CSTPP1: variants seen among roughly 807,000 people sequenced by gnomAD.
CSTPP1 encodes the protein UPF0705 protein C11orf49.
chr11:47,003,745 A>G, the CSTPP1 span, among the ~76,000 whole-genome samples: 1 of 152,216 alleles, frequency 6.6e-6, no homozygotes, highest in Non-Finnish European at 1.5e-5. Context: ...CTGGGGCTGC[A>G]ACAATAGATA....
chr11:47,039,888 A>T, the CSTPP1 span, among the ~76,000 whole-genome samples: 1 of 128,518 alleles, frequency 7.8e-6, no homozygotes, highest in African/African-American at 2.5e-5. Context: ...TGGCCTTGCA[A>T]CCTTGTGCTC....
chr11:47,054,082 G>GGCAGATCACAAGGTCA, the CSTPP1 span, among the ~76,000 whole-genome samples: 1 of 151,160 alleles, frequency 6.6e-6, no homozygotes, highest in Admixed American at 6.6e-5. Context: ...GGCCGAGGCG[G>GGCAGATCACAAGGTCA]GCAGATCACA....
chr11:47,156,445 C>T, the CSTPP1 span, among the ~76,000 whole-genome samples: 1 of 152,170 alleles, frequency 6.6e-6, no homozygotes, highest in Non-Finnish European at 1.5e-5. Context: ...ATTTGAAAAC[C>T]ATTTCAAATG....
chr11:47,154,034 G>A, the CSTPP1 span, among the ~76,000 whole-genome samples: 2 of 152,044 alleles, frequency 1.3e-5, no homozygotes, highest in African/African-American at 2.4e-5. Flanking sequence ...CCGCCTCCCA[G>A]GTTCAAGCGC....
At chr11:46,936,880 G>A in the CSTPP1 span, 1 of 1,458,682 alleles carries the variant, frequency 6.9e-7, no homozygotes, top group Admixed American at 2.1e-5. Context: ...TTTGGGGAGG[G>A]AAAGACGTGC....
chr11:47,010,387 C>T, the CSTPP1 span, among the ~76,000 whole-genome samples: 105 of 152,346 alleles, frequency 6.9e-4, 1 homozygote, highest in African/African-American at 2.4e-3. Context: ...CGGAATCTGT[C>T]TCTGGCTATC....
chr11:46,957,023 T>C, the CSTPP1 span, among the ~76,000 whole-genome samples: 1 of 152,020 alleles, frequency 6.6e-6, no homozygotes, highest in Non-Finnish European at 1.5e-5. Context: ...TTCATTTTCC[T>C]GCAATTAATA....
the CSTPP1 span, among the ~76,000 whole-genome samples, chr11:46,947,824 A>C: frequency 6.6e-6 from 1 of 152,208 alleles, no homozygotes; most frequent in Non-Finnish European, 1.5e-5. Flanking sequence ...ACTTCAGATC[A>C]GGTGTTTTTT....
chr11:46,938,735 C>G, the CSTPP1 span, among the ~76,000 whole-genome samples: 1 of 150,598 alleles, frequency 6.6e-6, no homozygotes, highest in Non-Finnish European at 1.5e-5. Context: ...GAATAATATT[C>G]CATTGTATGG....
the CSTPP1 span, among the ~76,000 whole-genome samples, chr11:47,115,546 G>A: frequency 1.3e-5 from 2 of 152,120 alleles, no homozygotes; most frequent in Non-Finnish European, 2.9e-5. Context: ...TTGGGAGAGT[G>A]TATATGTCCA....
chr11:46,966,779 A>G, the CSTPP1 span, among the ~76,000 whole-genome samples: 4 of 152,236 alleles, frequency 2.6e-5, no homozygotes, highest in Admixed American at 6.5e-5. Flanking sequence ...AGATTTAATG[A>G]AATTAATATT....
At chr11:47,047,916 A>G in the CSTPP1 span, among the ~76,000 whole-genome samples, 2 of 152,264 alleles carry the variant, frequency 1.3e-5, no homozygotes, top group Non-Finnish European at 2.9e-5. Context: ...GCTCAACATC[A>G]TTAGTCATTG....
At chr11:47,049,385 C>G in the CSTPP1 span, among the ~76,000 whole-genome samples, 2 of 151,828 alleles carry the variant, frequency 1.3e-5, no homozygotes, top group Admixed American at 1.3e-4. Context: ...GCCAGTAATC[C>G]CAACACTTTG....
the CSTPP1 span, among the ~76,000 whole-genome samples, chr11:47,039,236 TC>T: frequency 2.3e-5 from 3 of 127,886 alleles, no homozygotes; most frequent in East Asian, 6.4e-4. Context: ...TGAATGAGAC[TC>T]CGTCTGCAAT....
the CSTPP1 span, among the ~76,000 whole-genome samples, chr11:47,121,645 T>C: frequency 6.6e-6 from 1 of 152,114 alleles, no homozygotes; most frequent in Non-Finnish European, 1.5e-5. Context: ...TGTAAGTAGC[T>C]TGTTCAAGTG....
At chr11:46,974,121 A>G in the CSTPP1 span, among the ~76,000 whole-genome samples, 2 of 152,104 alleles carry the variant, frequency 1.3e-5, no homozygotes. Context: ...AGTCCCAGCT[A>G]CTCCAGGGGG....
the CSTPP1 span, among the ~76,000 whole-genome samples, chr11:47,142,260 GT>G: frequency 6.8e-6 from 1 of 146,960 alleles, no homozygotes; most frequent in African/African-American, 2.5e-5. Flanking sequence ...AAAAAAAAGT[GT>G]TTTTTTTGTG....
At chr11:47,026,232 C>A in the CSTPP1 span, among the ~76,000 whole-genome samples, 1 of 152,172 alleles carries the variant, frequency 6.6e-6, no homozygotes, top group Non-Finnish European at 1.5e-5. Flanking sequence ...TAAAGAGAAA[C>A]AGTCTGTCCA....
At chr11:47,148,018 G>A in the CSTPP1 span, among the ~76,000 whole-genome samples, 1 of 152,120 alleles carries the variant, frequency 6.6e-6, no homozygotes, top group African/African-American at 2.4e-5. Context: ...TGGAGCTAGG[G>A]CAGAGCAATG....
Sources: allele counts gnomAD v4.1 joint callset (sites outside exome capture counted in the v4.1 genomes callset), GRCh38; gene constraint gnomAD v4.1.1; transcripts MANE v1.5; gene names NCBI Gene and HGNC (gene_info 2026-07-23, HGNC 2026-07-21).